The following NEMP2 variants were observed in gnomAD, a reference collection of about 807,000 sequenced individuals.
NEMP2 encodes nuclear envelope integral membrane protein 2.
In NEMP2, 53 loss-of-function variants were observed where a neutral mutation model predicts 54.2. The observed-to-expected ratio is 0.98, with a 90% confidence interval of 0.78 to 1.23. The LOEUF is 1.23. NEMP2 is among the 50% of genes most tolerant of loss of function. The pLI is 0.00. For missense variants in NEMP2, 455 were observed against 511.3 expected, an observed-to-expected ratio of 0.89 and a Z score of 1.06; for synonymous variants, 197 against 190.3, an observed-to-expected ratio of 1.04 and a Z score of -0.29.
the NEMP2 span, among the ~76,000 whole-genome samples, chr2:190,493,562 A>G: frequency 6.6e-6 from 1 of 152,172 alleles, no homozygotes; most frequent in Non-Finnish European, 1.5e-5. Flanking sequence ...ATTCTACCCA[A>G]CAACTGCAGA....
chr2:190,549,617 G>A, the NEMP2 span, among the ~76,000 whole-genome samples: 1 of 152,020 alleles, frequency 6.6e-6, no homozygotes, highest in Non-Finnish European at 1.5e-5. Flanking sequence ...TCGATGAATA[G>A]CAATTATTAC....
chr2:190,503,163 G>A (rs1211793247), downstream of NEMP2, among the ~76,000 whole-genome samples: 2 of 152,194 alleles, frequency 1.3e-5, no homozygotes, highest in Admixed American at 6.5e-5. This position sits in a 1 kb window ranked among gnomAD's most constrained non-coding sequence, Gnocchi z 6.3. Context: ...GATGCTTTGT[G>A]AAATGTAGGT....
chr2:190,551,705 C>T, the NEMP2 span, among the ~76,000 whole-genome samples: 4 of 151,958 alleles, frequency 2.6e-5, no homozygotes, highest in African/African-American at 4.8e-5. Flanking sequence ...CAAGAGATTT[C>T]GCCTCAATAC....
the NEMP2 span, among the ~76,000 whole-genome samples, chr2:190,566,748 AAAAAG>A: frequency 6.6e-6 from 1 of 151,146 alleles, no homozygotes; most frequent in Admixed American, 6.6e-5. Flanking sequence ...GAAAAGAAAA[AAAAAG>A]AAAGGAAGGA....
chr2:190,585,708 C>T, the NEMP2 span, among the ~76,000 whole-genome samples: 26 of 152,162 alleles, frequency 1.7e-4, no homozygotes, highest in African/African-American at 6.3e-4. This position sits in a 1 kb window ranked among gnomAD's most constrained non-coding sequence, Gnocchi z 5.3. Flanking sequence ...GGATCATAGT[C>T]TTTCTGTTGA....
At chr2:190,642,061 T>C in the NEMP2 span, among the ~76,000 whole-genome samples, 1 of 152,266 alleles carries the variant, frequency 6.6e-6, no homozygotes, top group Admixed American at 6.5e-5. The surrounding 1 kb of genome is among the most constrained non-coding windows in gnomAD (Gnocchi z 4.1). Context: ...CAATGTGTAG[T>C]ATAAATTTGC....
chr2:190,581,565 C>T, the NEMP2 span, among the ~76,000 whole-genome samples: 4 of 152,226 alleles, frequency 2.6e-5, no homozygotes, highest in South Asian at 2.1e-4. Context: ...TTTTAAAGTG[C>T]GTGCACATGA....
At chr2:190,467,079 C>CACTAGGA in the NEMP2 span, among the ~76,000 whole-genome samples, 1 of 152,168 alleles carries the variant, frequency 6.6e-6, no homozygotes, top group Non-Finnish European at 1.5e-5. The surrounding 1 kb of genome is among the most constrained non-coding windows in gnomAD (Gnocchi z 5.5). Flanking sequence ...TCAGGATAGA[C>CACTAGGA]AATTTGTGAA....
the NEMP2 span, among the ~76,000 whole-genome samples, chr2:190,606,374 C>T: frequency 9.9e-5 from 15 of 152,148 alleles, no homozygotes; most frequent in African/African-American, 3.4e-4. Context: ...TTCCTCATTT[C>T]GAACATGAAA....
the NEMP2 span, among the ~76,000 whole-genome samples, chr2:190,589,981 G>A: frequency 6.6e-6 from 1 of 152,176 alleles, no homozygotes; most frequent in Non-Finnish European, 1.5e-5. This position sits in a 1 kb window ranked among gnomAD's most constrained non-coding sequence, Gnocchi z 4.3. Context: ...TCAGGTTGCT[G>A]ATTAAGCCTG....
At chr2:190,619,083 T>C in the NEMP2 span, among the ~76,000 whole-genome samples, 1 of 152,202 alleles carries the variant, frequency 6.6e-6, no homozygotes, top group African/African-American at 2.4e-5. This position sits in a 1 kb window ranked among gnomAD's most constrained non-coding sequence, Gnocchi z 5.5. Context: ...GGACTTGCTA[T>C]TAAGACTCAT....
At chr2:190,458,990 C>T in the NEMP2 span, among the ~76,000 whole-genome samples, 1 of 152,206 alleles carries the variant, frequency 6.6e-6, no homozygotes, top group Admixed American at 6.5e-5. This position sits in a 1 kb window ranked among gnomAD's most constrained non-coding sequence, Gnocchi z 5.3. Context: ...ATCTGTTGTA[C>T]TGACTGCTCC....
the NEMP2 span, among the ~76,000 whole-genome samples, chr2:190,558,113 C>G: frequency 6.6e-6 from 1 of 152,172 alleles, no homozygotes; most frequent in Non-Finnish European, 1.5e-5. The surrounding 1 kb of genome is among the most constrained non-coding windows in gnomAD (Gnocchi z 4.4). Context: ...GAAAATGTGG[C>G]ACATATACAC....
the NEMP2 span, among the ~76,000 whole-genome samples, chr2:190,434,635 T>C: frequency 6.6e-6 from 1 of 152,150 alleles, no homozygotes; most frequent in Non-Finnish European, 1.5e-5. This position sits in a 1 kb window ranked among gnomAD's most constrained non-coding sequence, Gnocchi z 4.3. Context: ...GGTTTCACCA[T>C]GTTGGCCAGG....
the NEMP2 span, among the ~76,000 whole-genome samples, chr2:190,585,159 T>A: frequency 6.6e-6 from 1 of 152,214 alleles, no homozygotes; most frequent in Non-Finnish European, 1.5e-5. The surrounding 1 kb of genome is among the most constrained non-coding windows in gnomAD (Gnocchi z 5.3). Context: ...TTTCTAACAA[T>A]GCTCTAGCAG....
chr2:190,456,748 A>AC, the NEMP2 span, among the ~76,000 whole-genome samples: 1 of 152,276 alleles, frequency 6.6e-6, no homozygotes, highest in Admixed American at 6.5e-5. The surrounding 1 kb of genome is among the most constrained non-coding windows in gnomAD (Gnocchi z 5.4). Flanking sequence ...AGAGGTGGAA[A>AC]CCTTGGCTCA....
chr2:190,589,131 C>T, the NEMP2 span, among the ~76,000 whole-genome samples: 2 of 152,234 alleles, frequency 1.3e-5, no homozygotes, highest in South Asian at 4.1e-4. The surrounding 1 kb of genome is among the most constrained non-coding windows in gnomAD (Gnocchi z 4.3). Flanking sequence ...CCTAATGACC[C>T]TTCTGGACTA....
At chr2:190,444,196 A>G in the NEMP2 span, among the ~76,000 whole-genome samples, 1 of 152,256 alleles carries the variant, frequency 6.6e-6, no homozygotes, top group Non-Finnish European at 1.5e-5. Flanking sequence ...ATGAAATAAA[A>G]GGTAATAACT....
the NEMP2 span, among the ~76,000 whole-genome samples, chr2:190,624,036 T>A: frequency 6.6e-6 from 1 of 152,170 alleles, no homozygotes; most frequent in African/African-American, 2.4e-5. Context: ...TAATCCCAGC[T>A]ACTTAGGAGG....
Sources: allele counts gnomAD v4.1 joint callset (sites outside exome capture counted in the v4.1 genomes callset), GRCh38; gene constraint gnomAD v4.1.1; non-coding constraint Gnocchi (gnomAD v3.1); transcripts MANE v1.5; gene names NCBI Gene and HGNC (gene_info 2026-07-23, HGNC 2026-07-21).